EIF3H: variants seen among roughly 807,000 people sequenced by gnomAD.
EIF3H encodes the protein eIF-3-gamma.
In EIF3H, 26 loss-of-function variants were observed where a neutral mutation model predicts 44.2. The observed-to-expected ratio is 0.59, with a 90% CI of 0.43 to 0.82. The LOEUF (loss-of-function observed/expected upper bound fraction) is 0.82, where lower values mean the gene tolerates loss of function less well. Ranked by LOEUF, EIF3H falls within the 40% of genes least tolerant of loss-of-function variation. The probability of loss-of-function intolerance (pLI) is 0.00; values close to 1 mark genes in which losing one functional copy is unlikely to be tolerated. For missense variants in EIF3H, 359 were observed against 432.8 expected (o/e 0.83, Z 1.51); for synonymous variants, 166 against 151.9 (o/e 1.09, Z -0.68).
At chr8:116,728,092 G>A (rs940694018) in intron 1 of EIF3H, among the ~76,000 whole-genome samples, 3 of 152,036 alleles carry the variant, frequency 2.0e-5, no homozygotes, top group Non-Finnish European at 4.4e-5. Context: ...TAAGAATTGT[G>A]TACAAATTGA....
intron 2 of EIF3H, among the ~76,000 whole-genome samples, chr8:116,721,680 G>A (rs1366756902): frequency 2.6e-5 from 4 of 152,260 alleles, no homozygotes; most frequent in Admixed American, 2.0e-4. Context: ...CCCACTTCTT[G>A]CATTAGCTTG....
At chr8:116,667,464 CAA>C (rs36085143) in intron 2 of EIF3H, among the ~76,000 whole-genome samples, 1 of 138,698 alleles carries the variant, frequency 7.2e-6, no homozygotes. Context: ...TACAACTTCA[CAA>C]AAAAAAAAAA....
intron 2 of EIF3H, among the ~76,000 whole-genome samples, chr8:116,723,982 G>A (rs1814793640): frequency 6.6e-6 from 1 of 152,072 alleles, no homozygotes; most frequent in South Asian, 2.1e-4. Context: ...AATTCATATG[G>A]AATCTCAAAG....
chr8:116,704,901 G>C (rs1370617246), intron 2 of EIF3H, among the ~76,000 whole-genome samples: 1 of 151,946 alleles, frequency 6.6e-6, no homozygotes, highest in African/African-American at 2.4e-5. Context: ...CACGTTGACA[G>C]TGTACTCTGT....
chr8:116,681,091 G>T (rs367681427), intron 2 of EIF3H, among the ~76,000 whole-genome samples: 1 of 152,150 alleles, frequency 6.6e-6, no homozygotes, highest in East Asian at 1.9e-4. Flanking sequence ...GGCCAGGCGT[G>T]GTGGCTCACA....
intron 2 of EIF3H, among the ~76,000 whole-genome samples, chr8:116,672,910 C>T (rs1813781114): frequency 1.3e-5 from 2 of 151,640 alleles, no homozygotes; most frequent in South Asian, 4.2e-4. Context: ...ATTTGCAGAC[C>T]CTTTAAAAGA....
intron 2 of EIF3H, among the ~76,000 whole-genome samples, chr8:116,693,687 CTT>C (rs112713966): frequency 2.7e-5 from 4 of 146,722 alleles, no homozygotes; most frequent in African/African-American, 9.9e-5. Context: ...ATGTACATTT[CTT>C]TTTTTTTTTA....
intron 2 of EIF3H, among the ~76,000 whole-genome samples, chr8:116,660,913 C>T (rs1418502644): frequency 6.6e-6 from 1 of 152,122 alleles, no homozygotes; most frequent in Non-Finnish European, 1.5e-5. Context: ...ACATCACTAC[C>T]TTAGAAACCT....
intron 1 of EIF3H, among the ~76,000 whole-genome samples, chr8:116,753,143 C>G (rs1053014669): frequency 6.6e-6 from 1 of 152,078 alleles, no homozygotes; most frequent in Non-Finnish European, 1.5e-5. Context: ...AACCTTGCAA[C>G]TGCAATATAA....
At chr8:116,672,373 C>T (rs933701664) in intron 2 of EIF3H, among the ~76,000 whole-genome samples, 1 of 152,204 alleles carries the variant, frequency 6.6e-6, no homozygotes, top group Non-Finnish European at 1.5e-5. Context: ...CGCCCGTAAT[C>T]CCAACACTTT....
intron 1 of EIF3H, among the ~76,000 whole-genome samples, chr8:116,751,653 T>C (rs1044629323): frequency 7.2e-5 from 11 of 152,240 alleles, no homozygotes; most frequent in African/African-American, 2.2e-4. Context: ...TCAAGAGCCA[T>C]TACTGGCAGA....
At chr8:116,713,385 A>T (rs1321841989) in intron 2 of EIF3H, among the ~76,000 whole-genome samples, 1 of 152,118 alleles carries the variant, frequency 6.6e-6, no homozygotes, top group African/African-American at 2.4e-5. Flanking sequence ...AAAATCTTTT[A>T]CCTTGACCAC....
intron 2 of EIF3H, among the ~76,000 whole-genome samples, chr8:116,673,231 G>A (rs1020196009): frequency 2.6e-5 from 4 of 151,942 alleles, no homozygotes; most frequent in Non-Finnish European, 2.9e-5. Flanking sequence ...GGTCACTGCC[G>A]GAGGATCCTA....
chr8:116,660,512 A>C (rs1235042425), intron 2 of EIF3H, among the ~76,000 whole-genome samples: 1 of 152,170 alleles, frequency 6.6e-6, no homozygotes, highest in Non-Finnish European at 1.5e-5. Flanking sequence ...CTACACAAGA[A>C]TTGCGTGTTT....
chr8:116,676,286 G>A (rs1813844825), intron 2 of EIF3H, among the ~76,000 whole-genome samples: 1 of 152,200 alleles, frequency 6.6e-6, no homozygotes, highest in Admixed American at 6.5e-5. Context: ...TTTTTATACT[G>A]CTATAAAGAA....
chr8:116,674,335 G>T, intron 2 of EIF3H, among the ~76,000 whole-genome samples: 1 of 136,484 alleles, frequency 7.3e-6, no homozygotes, highest in East Asian at 2.7e-4. Flanking sequence ...GGGGGGTGGG[G>T]GGGAAGGGAT....
At chr8:116,683,298 A>G (rs139040753) in intron 2 of EIF3H, among the ~76,000 whole-genome samples, 1 of 152,330 alleles carries the variant, frequency 6.6e-6, no homozygotes, top group East Asian at 1.9e-4. Flanking sequence ...CAATTTCTAG[A>G]GGCTGGGAAG....
intron 2 of EIF3H, among the ~76,000 whole-genome samples, chr8:116,712,274 T>C (rs1052876349): frequency 3.9e-5 from 6 of 152,054 alleles, no homozygotes; most frequent in East Asian, 1.9e-4. Context: ...GAGTCACCCA[T>C]CCAATTCTAT....
intron 2 of EIF3H, among the ~76,000 whole-genome samples, chr8:116,674,650 C>A (rs1813816439): frequency 6.6e-6 from 1 of 152,122 alleles, no homozygotes. Context: ...GTAATGTGCA[C>A]AATTAAAATA....
Sources: gnomAD v4.1 joint callset for allele counts (sites outside exome capture counted in the v4.1 genomes callset) on GRCh38, gnomAD v4.1.1 for gene constraint, MANE v1.5 for transcripts, NCBI Gene and HGNC (gene_info 2026-07-23, HGNC 2026-07-21) for gene names.